Variants in NAALADL2 observed in about 807,000 individuals in gnomAD.
NAALADL2 encodes the protein N-acetylated alpha-linked acidic dipeptidase like 2, also known as inactive N-acetylated-alpha-linked acidic dipeptidase-like protein 2.
NAALADL2 carries 76 observed loss-of-function variants against 87.2 expected under a neutral mutation model. The ratio of observed to expected loss-of-function variants is 0.87; its 90% CI spans 0.72 to 1.05. The LOEUF (loss-of-function observed/expected upper bound fraction) is 1.05. Among genes scored for constraint, NAALADL2 ranks in the 50% least tolerant of loss-of-function variants. The pLI, the probability that NAALADL2 is intolerant of heterozygous loss-of-function variation, is 0.00. For synonymous variants in NAALADL2, 354 were observed against 331.0 expected, an observed-to-expected ratio of 1.07 and a Z score of -0.75; for missense variants, 1,089 against 945.8, an observed-to-expected ratio of 1.15 and a Z score of -1.99.
chr3:175,026,956 T>G (rs2108892078), intron 1 of NAALADL2, among the ~76,000 whole-genome samples: 1 of 152,252 alleles, frequency 6.6e-6, no homozygotes. Context: ...TGTCCCTAAC[T>G]TATTGGGATA....
At chr3:175,019,755 T>C (rs1023298968) in intron 1 of NAALADL2, among the ~76,000 whole-genome samples, 2 of 152,078 alleles carry the variant, frequency 1.3e-5, no homozygotes, top group African/African-American at 4.8e-5. Flanking sequence ...TCCCTAATAC[T>C]AAGCTTGCAG....
intron 9 of NAALADL2, among the ~76,000 whole-genome samples, chr3:175,535,698 A>G (rs538266524): frequency 2.0e-5 from 3 of 152,278 alleles, no homozygotes; most frequent in South Asian, 4.1e-4. Flanking sequence ...GAAATGACAT[A>G]TTTATATACT....
At chr3:175,374,521 T>C (rs1766874294) in intron 5 of NAALADL2, among the ~76,000 whole-genome samples, 1 of 131,268 alleles carries the variant, frequency 7.6e-6, no homozygotes, top group Non-Finnish European at 1.5e-5. Flanking sequence ...TCCAGTCTGG[T>C]TGACAGAGTG....
At chr3:174,797,277 G>A (rs1231402763) in intron 3 of NAALADL2, among the ~76,000 whole-genome samples, 4 of 137,580 alleles carry the variant, frequency 2.9e-5, no homozygotes, top group African/African-American at 1.2e-4. Context: ...TTATTTCTGG[G>A]ATCTTTTTTC....
chr3:175,013,168 TA>T (rs1479881490), intron 1 of NAALADL2, among the ~76,000 whole-genome samples: 3 of 109,448 alleles, frequency 2.7e-5, no homozygotes, highest in African/African-American at 6.4e-5. Flanking sequence ...TATAAATATG[TA>T]ATACATATTT....
chr3:174,785,265 A>T (rs918979274), intron 3 of NAALADL2, among the ~76,000 whole-genome samples: 1 of 152,152 alleles, frequency 6.6e-6, no homozygotes, highest in Non-Finnish European at 1.5e-5. Flanking sequence ...TGGTGCAAAA[A>T]TAATTGTGGT....
At chr3:174,545,258 A>T (rs1722623298) in intron 1 of NAALADL2, among the ~76,000 whole-genome samples, 1 of 152,156 alleles carries the variant, frequency 6.6e-6, no homozygotes, top group South Asian at 2.1e-4. Context: ...TTTGGGCCTG[A>T]TAATGTTCCT....
intron 5 of NAALADL2, among the ~76,000 whole-genome samples, chr3:175,396,636 G>A (rs187880231): frequency 1.1e-3 from 172 of 152,192 alleles, no homozygotes; most frequent in African/African-American, 4.0e-3. Flanking sequence ...ACATGGTTTG[G>A]CTGTGTCCCC....
In NAALADL2 at chr3:175,656,710, GGTGTGTGTGTATGTGTGT is replaced by G. The variant is rs1455105444; in HGVS notation, c.1896+29350_1896+29367del. On this transcript the variant is annotated intron_variant, in intron 11 of 13. Coordinates refer to ENST00000454872, the MANE Select transcript of NAALADL2 (RefSeq NM_207015.3). ...AAGAAAGCTAAAAGCTTAGTAGTCTGGTGTGTGTGTATGTGTGTGTGTGTGTGTATGTGTGTGTGTGTG... is the reference window on the plus strand; with the variant it reads ...AAGAAAGCTAAAAGCTTAGTAGTCTGGTGTGTGTGTATGTGTGTGTGTGTG... Among the ~76,000 whole-genome samples, 810 of 151,670 alleles carry G rather than the reference GGTGTGTGTGTATGTGTGT, an allele frequency of 5.3e-3. 7 individuals carry two copies. The highest frequency in any genetic ancestry group is 0.018 in the African/African-American group (759 of 41,306).
chr3:174,902,987 C>A (rs189409605), intron 1 of NAALADL2, among the ~76,000 whole-genome samples: 2 of 152,186 alleles, frequency 1.3e-5, no homozygotes, highest in Admixed American at 1.3e-4. Context: ...ACTCCTGGGG[C>A]AAAACTGATA....
At chr3:175,310,040 T>C (rs1404343173) in intron 4 of NAALADL2, among the ~76,000 whole-genome samples, 11 of 152,324 alleles carry the variant, frequency 7.2e-5, no homozygotes, top group Admixed American at 1.3e-4. Flanking sequence ...GTACTACTAG[T>C]AGCTTATAAT....
At chr3:175,402,883 G>T (rs1230845303) in intron 5 of NAALADL2, among the ~76,000 whole-genome samples, 1 of 152,090 alleles carries the variant, frequency 6.6e-6, no homozygotes, top group Non-Finnish European at 1.5e-5. Flanking sequence ...CTACTTGTCT[G>T]TGAGCTCTCT....
Position 175,086,972 on chromosome 3 carries a change from T to C in NAALADL2, c.44-9818T>C, listed in dbSNP as rs568472307. Reference sequence around the variant, plus strand: ...TACAGAAAAAACTTGAATTTTGTATTATTGAAAGAATAATTATGTTACTTT... The same window carrying C: ...TACAGAAAAAACTTGAATTTTGTATCATTGAAAGAATAATTATGTTACTTT... On this transcript the variant is annotated intron_variant, in intron 1 of 13. Coordinates refer to ENST00000454872, the MANE Select transcript of NAALADL2 (RefSeq NM_207015.3). Among the ~76,000 whole-genome samples the C allele has an allele frequency of 8.3e-4, 127 of 152,252 alleles. No individual in the cohort carries two copies. In the Middle Eastern group the frequency reaches 0.014, roughly 16 times the overall value.
intron 2 of NAALADL2, among the ~76,000 whole-genome samples, chr3:174,561,358 C>A (rs148179827): frequency 6.6e-6 from 1 of 152,060 alleles, no homozygotes; most frequent in African/African-American, 2.4e-5. Flanking sequence ...TGCCACCATG[C>A]CCAGCTAATT....
intron 2 of NAALADL2, among the ~76,000 whole-genome samples, chr3:174,688,716 A>G (rs1468491167): frequency 3.1e-5 from 2 of 64,312 alleles, no homozygotes; most frequent in Non-Finnish European, 6.9e-5. Context: ...AATGGAGTTA[A>G]ATAAAATAGC....
At chr3:175,379,413 T>C (rs1471292955) in intron 5 of NAALADL2, among the ~76,000 whole-genome samples, 1 of 152,170 alleles carries the variant, frequency 6.6e-6, no homozygotes, top group East Asian at 1.9e-4. Flanking sequence ...AACTGGAAAG[T>C]GTTTCTGGGT....
intron 11 of NAALADL2, among the ~76,000 whole-genome samples, chr3:175,695,343 T>C (rs1000319020): frequency 6.6e-6 from 1 of 151,846 alleles, no homozygotes; most frequent in East Asian, 1.9e-4. Flanking sequence ...AGGACACTTG[T>C]TGGAAAAATG....
chr3:174,746,150 G>T (rs970704404), intron 3 of NAALADL2, among the ~76,000 whole-genome samples: 3 of 152,184 alleles, frequency 2.0e-5, no homozygotes, highest in Admixed American at 2.0e-4. Context: ...GTCTCTGTTT[G>T]CAGATGACCT....
intron 5 of NAALADL2, among the ~76,000 whole-genome samples, chr3:175,373,610 A>G (rs1256425502): frequency 2.0e-5 from 3 of 152,220 alleles, no homozygotes; most frequent in Non-Finnish European, 4.4e-5. Flanking sequence ...ATTATGAATC[A>G]AGGTAATATG....
Sources: allele counts gnomAD v4.1 joint callset (sites outside exome capture counted in the v4.1 genomes callset), GRCh38; gene constraint gnomAD v4.1.1; transcripts MANE v1.5; gene names NCBI Gene and HGNC (gene_info 2026-07-23, HGNC 2026-07-21).